Variants in NCKAP5 observed in about 807,000 individuals in gnomAD.
NCKAP5 encodes the protein NCK associated protein 5, also known as nck-associated protein 5.
NCKAP5 carries 92 observed loss-of-function variants against 167.0 expected under a neutral mutation model. That is an observed-to-expected ratio of 0.55 (90% CI 0.47 to 0.66). The LOEUF (loss-of-function observed/expected upper bound fraction) is 0.66. Ranked by LOEUF, NCKAP5 falls within the 30% of genes least tolerant of loss-of-function variation. The probability of loss-of-function intolerance (pLI) is 0.00; values close to 1 mark genes in which losing one functional copy is unlikely to be tolerated. For missense variants in NCKAP5, 2,378 were observed against 2,315.0 expected (o/e 1.03, Z -0.56); for synonymous variants, 891 against 877.4 (o/e 1.02, Z -0.27).
chr2:133,668,241 A>C, the NCKAP5 span, among the ~76,000 whole-genome samples: 1 of 152,064 alleles, frequency 6.6e-6, no homozygotes, highest in Non-Finnish European at 1.5e-5. Flanking sequence ...TGCTATGAAC[A>C]TCCATGTACA....
chr2:132,899,502 G>A (rs1693455858), intron 8 of NCKAP5, among the ~76,000 whole-genome samples: 1 of 152,260 alleles, frequency 6.6e-6, no homozygotes, highest in Non-Finnish European at 1.5e-5. Context: ...TTTGGGGCAT[G>A]AGGCCCGGCT....
At chr2:133,461,626 G>A (rs1452210496) in intron 3 of NCKAP5, among the ~76,000 whole-genome samples, 2 of 152,286 alleles carry the variant, frequency 1.3e-5, no homozygotes, top group African/African-American at 2.4e-5. Context: ...CTAGGTTGAT[G>A]CCCTCCTGGG....
At chr2:133,405,128 T>C (rs955949962) in intron 3 of NCKAP5, among the ~76,000 whole-genome samples, 7 of 152,232 alleles carry the variant, frequency 4.6e-5, no homozygotes, top group Non-Finnish European at 8.8e-5. Flanking sequence ...TCCTGAACCA[T>C]TGCTCCTTGG....
chr2:133,128,957 T>C (rs1201732168), intron 6 of NCKAP5, among the ~76,000 whole-genome samples: 2 of 151,598 alleles, frequency 1.3e-5, no homozygotes, highest in African/African-American at 2.4e-5. Flanking sequence ...TTTTTTTTTT[T>C]TTTTTTTTTT....
At chr2:133,323,181 G>A (rs1682181896) in intron 3 of NCKAP5, among the ~76,000 whole-genome samples, 1 of 152,078 alleles carries the variant, frequency 6.6e-6, no homozygotes, top group Non-Finnish European at 1.5e-5. Flanking sequence ...TTATTTAATT[G>A]ATATCATTTA....
At chr2:133,103,316 A>G (rs2081578221) in intron 6 of NCKAP5, among the ~76,000 whole-genome samples, 1 of 152,190 alleles carries the variant, frequency 6.6e-6, no homozygotes, top group Admixed American at 6.5e-5. Context: ...CTGAACATAG[A>G]CTGCCTGGGA....
At chr2:133,224,139 G>A (rs967548551) in intron 4 of NCKAP5, among the ~76,000 whole-genome samples, 2 of 152,060 alleles carry the variant, frequency 1.3e-5, no homozygotes, top group African/African-American at 4.8e-5. Context: ...TCTCAAGAAC[G>A]GTGCCTCGAA....
intron 8 of NCKAP5, chr2:132,954,692 G>T (rs1055972432): frequency 2.2e-6 from 1 of 452,142 alleles, no homozygotes; most frequent in Non-Finnish European, 4.4e-6. Flanking sequence ...ATCCTAATTT[G>T]ATTAGGTACA....
chr2:133,060,901 A>G (rs1019628771), intron 6 of NCKAP5, among the ~76,000 whole-genome samples: 1 of 152,108 alleles, frequency 6.6e-6, no homozygotes, highest in Admixed American at 6.6e-5. Context: ...CCCCTCACTG[A>G]TCAGAGCTTA....
chr2:133,430,324 G>T (rs190845810), intron 3 of NCKAP5, among the ~76,000 whole-genome samples: 57 of 152,198 alleles, frequency 3.7e-4, no homozygotes, highest in Non-Finnish European at 1.8e-4. Flanking sequence ...TGTGTAGTTT[G>T]TCTGTTTACT....
At chr2:133,480,706 C>T (rs1680347300) in intron 3 of NCKAP5, among the ~76,000 whole-genome samples, 1 of 152,176 alleles carries the variant, frequency 6.6e-6, no homozygotes, top group African/African-American at 2.4e-5. Flanking sequence ...TTTGCATGGG[C>T]TTCTCCTCCT....
At chr2:133,444,348 A>C (rs1313591585) in intron 3 of NCKAP5, among the ~76,000 whole-genome samples, 1 of 145,594 alleles carries the variant, frequency 6.9e-6, no homozygotes. Flanking sequence ...TTAAAGACAA[A>C]AACAAAGATA....
intron 6 of NCKAP5, among the ~76,000 whole-genome samples, chr2:133,092,849 G>A (rs1405382939): frequency 2.0e-5 from 3 of 152,160 alleles, no homozygotes; most frequent in Admixed American, 6.5e-5. Context: ...ATTGGCTAAT[G>A]AGATGGCACA....
intron 6 of NCKAP5, among the ~76,000 whole-genome samples, chr2:133,125,466 C>T (rs1020201063): frequency 1.3e-5 from 2 of 152,096 alleles, no homozygotes; most frequent in African/African-American, 4.8e-5. Context: ...TTCAAACAAG[C>T]GGTTAGAGGA....
chr2:133,256,766 A>T (rs546115845), intron 4 of NCKAP5, among the ~76,000 whole-genome samples: 19 of 152,302 alleles, frequency 1.2e-4, no homozygotes, highest in African/African-American at 4.6e-4. Context: ...TTCCTGTTTC[A>T]ATCTAGCACA....
At chr2:133,470,036 T>C (rs1692927601) in intron 3 of NCKAP5, among the ~76,000 whole-genome samples, 1 of 152,256 alleles carries the variant, frequency 6.6e-6, no homozygotes, top group East Asian at 1.9e-4. Context: ...CCATCCAGCT[T>C]TGTTCCATTG....
the NCKAP5 span, among the ~76,000 whole-genome samples, chr2:133,610,078 C>T: frequency 1.3e-5 from 2 of 152,158 alleles, no homozygotes; most frequent in African/African-American, 4.8e-5. Flanking sequence ...GGTCTCCTCC[C>T]TCCTCATTGT....
At chr2:132,989,595 CA>C (rs1219504698) in intron 7 of NCKAP5, among the ~76,000 whole-genome samples, 1 of 152,158 alleles carries the variant, frequency 6.6e-6, no homozygotes, top group African/African-American at 2.4e-5. Context: ...GTCACTTCCT[CA>C]GGGGGAATGA....
At chr2:132,812,700 G>T (rs1685976487) in intron 11 of NCKAP5, among the ~76,000 whole-genome samples, 1 of 152,190 alleles carries the variant, frequency 6.6e-6, no homozygotes, top group Admixed American at 6.5e-5. Flanking sequence ...GGAGAGGGGG[G>T]CTGTCTTAGT....
Sources: allele counts gnomAD v4.1 joint callset (sites outside exome capture counted in the v4.1 genomes callset), GRCh38; gene constraint gnomAD v4.1.1; transcripts MANE v1.5; gene names NCBI Gene and HGNC (gene_info 2026-07-23, HGNC 2026-07-21).